Variants in NR1H4 observed in about 807,000 individuals in gnomAD.
NR1H4 encodes the protein bile acid receptor.
NR1H4 carries 23 observed loss-of-function variants against 58.5 expected under a neutral mutation model. The ratio of observed to expected loss-of-function variants is 0.39; its 90% CI spans 0.28 to 0.56. The LOEUF is 0.56. Ranked by LOEUF, NR1H4 falls within the 20% of genes least tolerant of loss-of-function variation. The probability of loss-of-function intolerance (pLI) is 0.58; values close to 1 mark genes in which losing one functional copy is unlikely to be tolerated. For synonymous variants in NR1H4, 214 were observed against 198.0 expected (o/e 1.08, Z -0.68); for missense variants, 487 against 576.9 (o/e 0.84, Z 1.60).
intron 9 of NR1H4, among the ~76,000 whole-genome samples, chr12:100,548,801 C>T (rs1234222529): frequency 2.0e-5 from 3 of 152,034 alleles, no homozygotes; most frequent in Non-Finnish European, 4.4e-5. Context: ...AGATTTCATG[C>T]ATAATTTAAG....
At position 100,536,627 on chromosome 12, in the gene NR1H4, AAAATATGTGG is replaced by A; in HGVS notation, c.831+18_831+27del. 1 of 1,334,712 alleles carries A rather than the reference AAAATATGTGG, an allele frequency of 7.5e-7. No homozygotes were observed. 82.7% of individuals were successfully genotyped at this position (1,334,712 alleles called of 1,614,324 possible). ...AATAAAATTGTATGTATAATATCTG[AAAATATGTGG>A]GTTTAAAGTTAATATTTTCTGGAGT... On this transcript the variant is annotated intron_variant, in intron 7 of 10. Coordinates refer to ENST00000392986, the MANE Select transcript of NR1H4 (RefSeq NM_001206979.2).
chr12:100,556,230 G>T (rs1955319567), intron 9 of NR1H4, among the ~76,000 whole-genome samples: 1 of 152,102 alleles, frequency 6.6e-6, no homozygotes, highest in African/African-American at 2.4e-5. Flanking sequence ...CACTTTGAGA[G>T]GCTGAGGCGG....
rs551383898 is a variant in NR1H4 at position 100,513,003 on chromosome 12, T to A, written c.445+1860T>A. ...GGTATGATATTGTTAGAATTTTTTTTAAATAAAGAAGCATTTGTACACCAA... is the reference window on the plus strand; with the variant it reads ...GGTATGATATTGTTAGAATTTTTTTAAAATAAAGAAGCATTTGTACACCAA... On this transcript the variant is annotated intron_variant, in intron 4 of 10. Coordinates refer to ENST00000392986, the MANE Select transcript of NR1H4 (RefSeq NM_001206979.2). Among the ~76,000 whole-genome samples, 11 of 152,380 alleles carry A rather than the reference T, an allele frequency of 7.2e-5. No homozygotes were observed. The East Asian group carries it at 1.5e-3, about 21-fold the overall frequency.
At chr12:100,504,231 G>A (rs953048324) in intron 3 of NR1H4, among the ~76,000 whole-genome samples, 2 of 152,126 alleles carry the variant, frequency 1.3e-5, no homozygotes, top group Non-Finnish European at 2.9e-5. Flanking sequence ...ACAGTATAAT[G>A]TAAATCATAT....
chr12:100,543,629 G>T (rs1954989513), intron 9 of NR1H4, among the ~76,000 whole-genome samples: 1 of 151,712 alleles, frequency 6.6e-6, no homozygotes, highest in African/African-American at 2.4e-5. Context: ...AACCTCCAAG[G>T]CACCATTCAG....
At chr12:100,537,923 A>T (rs1406139273) in intron 8 of NR1H4, among the ~76,000 whole-genome samples, 1 of 152,202 alleles carries the variant, frequency 6.6e-6, no homozygotes, top group Non-Finnish European at 1.5e-5. Context: ...CATATTGGAC[A>T]GGCTGAATTC....
At chr12:100,493,181 C>T (rs752861633) in intron 2 of NR1H4, 89 bp from the exon 3 acceptor site, 5 of 661,100 alleles carry the variant, frequency 7.6e-6, no homozygotes, top group East Asian at 2.7e-5. Context: ...TTTGTACTTT[C>T]GTAAACTATC....
intron 3 of NR1H4, among the ~76,000 whole-genome samples, chr12:100,508,352 G>A (rs1453812342): frequency 6.6e-6 from 1 of 152,124 alleles, no homozygotes; most frequent in Non-Finnish European, 1.5e-5. Context: ...GTAGAGTCAT[G>A]CAGAAGCTTG....
At chr12:100,502,704 A>T (rs912088990) in intron 3 of NR1H4, among the ~76,000 whole-genome samples, 1 of 152,194 alleles carries the variant, frequency 6.6e-6, no homozygotes, top group African/African-American at 2.4e-5. Flanking sequence ...CACTTTTAGC[A>T]TAGTTTTCAA....
chr12:100,496,299 A>G (rs1051500704), intron 3 of NR1H4, among the ~76,000 whole-genome samples: 1 of 152,196 alleles, frequency 6.6e-6, no homozygotes, highest in African/African-American at 2.4e-5. Flanking sequence ...TATGAAGGCA[A>G]CAAAATAGGG....
At chr12:100,538,041 A>C (rs914755623) in intron 8 of NR1H4, among the ~76,000 whole-genome samples, 4 of 152,162 alleles carry the variant, frequency 2.6e-5, no homozygotes. Context: ...GCACTGAGGC[A>C]TGAACAAGAA....
At chr12:100,547,821 AG>A (rs1278458977) in intron 9 of NR1H4, among the ~76,000 whole-genome samples, 3 of 151,572 alleles carry the variant, frequency 2.0e-5, no homozygotes, top group Non-Finnish European at 4.4e-5. Context: ...CCTGGGTTCA[AG>A]CGATTCTCCT....
chr12:100,492,459 C>T (rs530851073), intron 1 of NR1H4, 44 bp from the exon 2 acceptor site: 18 of 152,194 alleles, frequency 1.2e-4, no homozygotes, highest in Non-Finnish European at 2.6e-4. Flanking sequence ...TGACAGCACA[C>T]ATTATCACTT....
At chr12:100,560,301 G>A (rs1186143917) in intron 9 of NR1H4, among the ~76,000 whole-genome samples, 1 of 152,188 alleles carries the variant, frequency 6.6e-6, no homozygotes, top group Admixed American at 6.5e-5. Context: ...CAACCCACTC[G>A]GGTCCCCTTC....
chr12:100,526,193 A>ATTTTTTTTTTTTTTTTTTTTT (rs5800410), intron 4 of NR1H4, among the ~76,000 whole-genome samples: 1 of 144,018 alleles, frequency 6.9e-6, no homozygotes, highest in African/African-American at 2.5e-5. Flanking sequence ...AATTTTAAGT[A>ATTTTTTTTTTTTTTTTTTTTT]TTTTTTTTTT....
At chr12:100,554,705 G>A (rs1955284840) in intron 9 of NR1H4, among the ~76,000 whole-genome samples, 1 of 152,042 alleles carries the variant, frequency 6.6e-6, no homozygotes, top group Non-Finnish European at 1.5e-5. Flanking sequence ...GCCCCCCCTT[G>A]TGACCAAAAA....
intron 3 of NR1H4, chr12:100,503,278 C>T: frequency 7.4e-7 from 1 of 1,359,600 alleles, no homozygotes; most frequent in Non-Finnish European, 9.7e-7. Context: ...TCCTCATAAA[C>T]ATTTACAAAT....
At chr12:100,548,547 AC>A in intron 9 of NR1H4, among the ~76,000 whole-genome samples, 1 of 152,194 alleles carries the variant, frequency 6.6e-6, no homozygotes, top group African/African-American at 2.4e-5. Flanking sequence ...TTGATGAGAC[AC>A]TTAGCTTCGA....
chr12:100,481,711 G>A (rs147790686), intron 1 of NR1H4, among the ~76,000 whole-genome samples: 2 of 151,962 alleles, frequency 1.3e-5, no homozygotes, highest in African/African-American at 4.8e-5. Context: ...TCAGGAGATC[G>A]AGACCATCCT....
Sources: gnomAD v4.1 joint callset for allele counts (sites outside exome capture counted in the v4.1 genomes callset) on GRCh38, gnomAD v4.1.1 for gene constraint, MANE v1.5 for transcripts, NCBI Gene and HGNC (gene_info 2026-07-23, HGNC 2026-07-21) for gene names.